Variants in TXNDC17 observed in about 807,000 individuals in gnomAD.
The protein encoded by TXNDC17 is thioredoxin domain containing 17.
Under a neutral mutation model 16.3 loss-of-function variants are expected in TXNDC17, and 12 were observed. The ratio of observed to expected loss-of-function variants is 0.74; its 90% CI spans 0.47 to 1.19. TXNDC17 has a LOEUF of 1.19. TXNDC17 is among the 50% of genes most tolerant of loss of function. TXNDC17 has a pLI of 0.00. For synonymous variants in TXNDC17, 62 were observed against 55.0 expected (o/e 1.13, Z -0.56); for missense variants, 158 against 149.7 (o/e 1.06, Z -0.29).
In TXNDC17 at chr17:6,642,342, T is replaced by C. The variant is rs781402777; in HGVS notation, c.303+18T>C. The C allele has an allele frequency of 1.3e-6, 2 of 1,518,952 alleles. No individual in the cohort carries two copies. Among genetic ancestry groups the C allele is most frequent in the East Asian group, 2.3e-5 (1 of 44,270 alleles). 94.1% of individuals were successfully genotyped at this position (1,518,952 alleles called of 1,614,324 possible). ...ATGGAACAGTAAGTATCTTTAAATA[T>C]GCTGGGCCTGTAATTCACTGTCAGA... On this transcript the variant is annotated intron_variant, in intron 3 of 3. Coordinates refer to ENST00000250101, the MANE Select transcript of TXNDC17 (RefSeq NM_032731.4).
At chr17:6,642,703 G>T (rs1443240775) in intron 3 of TXNDC17, 1 of 514,014 alleles carries the variant, frequency 1.9e-6, no homozygotes, top group African/African-American at 1.9e-5. Context: ...CACTGGGCTT[G>T]CTGTCTCCTG....
intron 2 of TXNDC17, 191 bp downstream of exon 2, chr17:6,642,025 C>A: frequency 1.5e-6 from 1 of 677,264 alleles, no homozygotes; most frequent in Non-Finnish European, 2.6e-6. Context: ...CGAATTTGGT[C>A]TGGTGTAAGC....
chr17:6,641,883 C>T, intron 2 of TXNDC17, 49 bp downstream of exon 2: 1 of 1,561,598 alleles, frequency 6.4e-7, no homozygotes. Flanking sequence ...AAATTGCATA[C>T]TTAGGCGGGA....
In TXNDC17 at chr17:6,641,073, C is replaced by T. The variant is rs778866713; in HGVS notation, c.-10C>T. 3.1e-6 allele frequency: 5 copies of T among 1,611,064 alleles called. No homozygotes were observed. Among genetic ancestry groups the T allele is most frequent in the African/African-American group, 2.7e-5 (2 of 74,918 alleles). On this transcript the variant is annotated 5_prime_UTR_variant, in exon 1 of 4. The change creates a new upstream start codon in the 5' untranslated region. Coordinates refer to ENST00000250101, the MANE Select transcript of TXNDC17 (RefSeq NM_032731.4). ...GTGCACTCCTCCAGTAGCGGCTGCA[C>T]GTCGTGCCAATGGCCCGCTATGAGG... is the stretch of plus-strand genomic sequence containing the variant.
chr17:6,641,454 C>A, intron 1 of TXNDC17: 1 of 658,840 alleles, frequency 1.5e-6, no homozygotes. Context: ...CTTAAAACTT[C>A]TCACTCCCCC....
At position 6,644,435 on chromosome 17, in the gene TXNDC17, A is replaced by G. The variant is rs535402230; in HGVS notation, c.*1416A>G. On this transcript the variant is annotated 3_prime_UTR_variant, in exon 4 of 4. Coordinates refer to ENST00000250101, the MANE Select transcript of TXNDC17 (RefSeq NM_032731.4). ...TGTACAAAAGAAATACATTATATACATGTATTAAGTGCCTCGTTTGTATCC... is the reference window on the plus strand; with the variant it reads ...TGTACAAAAGAAATACATTATATACGTGTATTAAGTGCCTCGTTTGTATCC... The G allele has an allele frequency of 6.5e-6, 10 of 1,549,174 alleles. No individual in the cohort carries two copies. The highest frequency in any genetic ancestry group is 8.7e-6 in the Non-Finnish European group (10 of 1,152,324).
rs767874428 is a variant in TXNDC17, at chr17:6,643,063, A to G, written c.*44A>G. The G allele has an allele frequency of 2.2e-5, 33 of 1,517,436 alleles. No individual in the cohort carries two copies. The highest frequency in any genetic ancestry group is 2.9e-5 in the Non-Finnish European group (32 of 1,093,396). The allele number at this position is 1,517,436 out of a possible 1,614,324, so 94.0% of individuals were successfully genotyped here. On this transcript the variant is annotated 3_prime_UTR_variant, in exon 4 of 4. Coordinates refer to ENST00000250101, the MANE Select transcript of TXNDC17 (RefSeq NM_032731.4). ...ATGTCTTGATGTCCTGATTTGTTCT[A>G]GTATCAATAAACTGTATACTTGCTT...
rs780585898 is a variant in TXNDC17, at chr17:6,642,204, A to C, written c.228-45A>C. ...TGTCAAATATTAAGCAAACTGTAAT[A>C]AACCAAGTAAATTTTTTTCATGATC... On this transcript the variant is annotated intron_variant, in intron 2 of 3. Transcript: ENST00000250101. 3.0e-5 allele frequency: 41 copies of C among 1,377,506 alleles called. 1 individual carries two copies. The South Asian group carries it at 4.9e-4, about 16-fold the overall frequency. 85.3% of individuals were successfully genotyped at this position (1,377,506 alleles called of 1,614,324 possible).
At chr17:6,641,521 C>T (rs1972666463) in intron 1 of TXNDC17, 1 of 634,128 alleles carries the variant, frequency 1.6e-6, no homozygotes, top group African/African-American at 1.8e-5. Context: ...ATGTGCTTTC[C>T]ATTGTTACGG....
rs1233507722 is a variant in TXNDC17, at chr17:6,641,076, C to T, written c.-7C>T. 6.2e-7 allele frequency: 1 copy of T among 1,611,682 alleles called. No individual in the cohort carries two copies. The highest frequency in any genetic ancestry group is 2.2e-5 in the East Asian group (1 of 44,870). On this transcript the variant is annotated 5_prime_UTR_variant, in exon 1 of 4. Transcript: ENST00000250101. The stretch of plus-strand genomic sequence containing the variant: ...CACTCCTCCAGTAGCGGCTGCACGT[C>T]GTGCCAATGGCCCGCTATGAGGAGG...
At position 6,644,356 on chromosome 17, in the gene TXNDC17, G is replaced by C. The variant is rs1469495771; in HGVS notation, c.*1337G>C. 1 of 1,284,346 alleles carries C rather than the reference G, an allele frequency of 7.8e-7. No individual in the cohort carries two copies. Among genetic ancestry groups the C allele is most frequent in the Non-Finnish European group, 1.0e-6 (1 of 959,730 alleles). 79.6% of individuals were successfully genotyped at this position (1,284,346 alleles called of 1,614,324 possible). A position where few individuals can be genotyped will look rare whatever the true frequency, so the allele number is the denominator to read the frequency against. On this transcript the variant is annotated 3_prime_UTR_variant, in exon 4 of 4. Transcript: ENST00000250101. ...ATGAAAAAGCACACTAAAGGTTCTAGGGGCTACCATAATAAAGGTAGATAG... is the reference window on the plus strand; with the variant it reads ...ATGAAAAAGCACACTAAAGGTTCTACGGGCTACCATAATAAAGGTAGATAG...
At chr17:6,641,726 A>T in intron 1 of TXNDC17, 27 bp from the exon 2 acceptor site, 1 of 1,610,354 alleles carries the variant, frequency 6.2e-7, no homozygotes, top group Non-Finnish European at 8.5e-7. Context: ...TTGACGTGCG[A>T]TTATTTTATC....
At position 6,641,158 on chromosome 17, in the gene TXNDC17, A is replaced by G; in HGVS notation, c.76A>G (p.Thr26Ala). 1 of 1,613,732 alleles carries G rather than the reference A, an allele frequency of 6.2e-7. No homozygotes were observed. The highest frequency in any genetic ancestry group is 8.5e-7 in the Non-Finnish European group (1 of 1,180,002). ...HRAVEQHNGK[T>A]IFAYFTGSKD... ...GGCCGTGGAACAGCACAATGGCAAG[A>G]CCATTTTCGCCTACTTTACGGGTTC... Residue 26 changes from threonine to alanine, a missense_variant, in exon 1 of 4, where the codon ACC becomes GCC. By Grantham distance (58) the Thr-to-Ala change is moderately conservative. Coordinates refer to ENST00000250101, the MANE Select transcript of TXNDC17 (RefSeq NM_032731.4).
At chr17:6,642,877 T>C (rs1458325937) in intron 3 of TXNDC17, 74 bp from the exon 4 acceptor site, 1 of 1,102,530 alleles carries the variant, frequency 9.1e-7, no homozygotes, top group Non-Finnish European at 1.4e-6. Context: ...TGAGTGTCAT[T>C]CAAGGCAGAA....
intron 1 of TXNDC17, 53 bp from the exon 2 acceptor site, chr17:6,641,700 G>A: frequency 1.9e-6 from 3 of 1,549,840 alleles, no homozygotes; most frequent in African/African-American, 1.4e-5. Flanking sequence ...CAGTTTATAC[G>A]TGCCTGATTG....
Position 6,643,187 on chromosome 17 carries a change from T to C in TXNDC17, c.*168T>C. The stretch of plus-strand genomic sequence containing the variant: ...CCATGAACCTTTAGTTTGCCTGTAA[T>C]ACATGGATATTTTTAAGATATAAAG... On this transcript the variant is annotated 3_prime_UTR_variant, in exon 4 of 4. Transcript: ENST00000250101. 1.8e-6 allele frequency: 1 copy of C among 560,674 alleles called. No individual in the cohort carries two copies. Among genetic ancestry groups the C allele is most frequent in the Non-Finnish European group, 3.1e-6 (1 of 317,620 alleles). The allele number at this position is 560,674 out of a possible 1,614,324, so 34.7% of individuals were successfully genotyped here.
At chr17:6,641,989 A>C (rs1972685853) in intron 2 of TXNDC17, 155 bp downstream of exon 2, 4 of 764,608 alleles carry the variant, frequency 5.2e-6, no homozygotes, top group Non-Finnish European at 8.7e-6. Flanking sequence ...TAAAATGCCC[A>C]CCTGAATTAA....
In TXNDC17 at chr17:6,643,989, T is replaced by C. The variant is rs1413005089; in HGVS notation, c.*970T>C. The stretch of plus-strand genomic sequence containing the variant: ...GTCCTGCAGAATTCAAGAACCTTTA[T>C]GCAGTTCCTGTCCTATGATTTAAAG... On this transcript the variant is annotated 3_prime_UTR_variant, in exon 4 of 4. Coordinates refer to ENST00000250101, the MANE Select transcript of TXNDC17 (RefSeq NM_032731.4). 2.5e-6 allele frequency: 1 copy of C among 398,228 alleles called. No homozygotes were observed. Among genetic ancestry groups the C allele is most frequent in the Non-Finnish European group, 4.4e-6 (1 of 226,204 alleles). 24.7% of individuals were successfully genotyped at this position (398,228 alleles called of 1,614,324 possible).
Position 6,643,189 on chromosome 17 carries a change from C to T in TXNDC17, c.*170C>T. The T allele has an allele frequency of 1.8e-6, 1 of 554,782 alleles. No individual in the cohort carries two copies. Among genetic ancestry groups the T allele is most frequent in the East Asian group, 3.0e-5 (1 of 33,288 alleles). The allele number at this position is 554,782 out of a possible 1,614,324, so 34.4% of individuals were successfully genotyped here. On this transcript the variant is annotated 3_prime_UTR_variant, in exon 4 of 4. Transcript: ENST00000250101. ...ATGAACCTTTAGTTTGCCTGTAATA[C>T]ATGGATATTTTTAAGATATAAAGAA...
Sources: allele counts gnomAD v4.1 joint callset, GRCh38; gene constraint gnomAD v4.1.1; transcripts MANE v1.5; gene names NCBI Gene and HGNC (gene_info 2026-07-23, HGNC 2026-07-21).